ARHGEF1: variants seen among roughly 807,000 people sequenced by gnomAD.
ARHGEF1 encodes 115 kDa guanine nucleotide exchange factor.
In ARHGEF1, 40 loss-of-function variants were observed where a neutral mutation model predicts 119.7. The ratio of observed to expected loss-of-function variants is 0.33; its 90% CI spans 0.26 to 0.44. The LOEUF (loss-of-function observed/expected upper bound fraction) is 0.44, where lower values mean the gene tolerates loss of function less well. Ranked by LOEUF, ARHGEF1 falls within the 20% of genes least tolerant of loss-of-function variation. The pLI is 1.00. For synonymous variants in ARHGEF1, 494 were observed against 521.0 expected (o/e 0.95, Z 0.71); for missense variants, 976 against 1,268.3 (o/e 0.77, Z 3.50).
chr19:41,922,490 A>G (rs2074848121), upstream of ARHGEF1, among the ~76,000 whole-genome samples: 2 of 152,126 alleles, frequency 1.3e-5, no homozygotes, highest in Admixed American at 1.3e-4. Context: ...GAGGCCAAAA[A>G]TGGGGAGAAG....
chr19:41,915,091 C>T (rs1555851830), intron 18 of ARHGEF1, among the ~76,000 whole-genome samples: 1 of 124,844 alleles, frequency 8.0e-6, no homozygotes, highest in Non-Finnish European at 1.7e-5. Context: ...TCCCACCTCC[C>T]GCTCTCTTTG....
At chr19:41,918,905 C>T (rs2074820607), upstream of ARHGEF1, among the ~76,000 whole-genome samples, 1 of 151,314 alleles carries the variant, frequency 6.6e-6, no homozygotes, top group Admixed American at 6.6e-5. Context: ...ACCCATTACA[C>T]ACATACACCA....
chr19:41,897,750 T>C, intron 13 of ARHGEF1: 1 of 497,834 alleles, frequency 2.0e-6, no homozygotes, highest in Non-Finnish European at 3.3e-6. Context: ...TCCTGGTCTC[T>C]CCCCGTCTCT....
chr19:41,926,495 G>A (rs2074871103), intron 1 of ARHGEF1, among the ~76,000 whole-genome samples: 1 of 152,124 alleles, frequency 6.6e-6, no homozygotes, highest in South Asian at 2.1e-4. Flanking sequence ...GTGTGACTCT[G>A]CCAGATGGTC....
Position 41,915,334 on chromosome 19 carries a change from C to G in ARHGEF1, c.1866-7758C>G, listed in dbSNP as rs553842344. ...GCAGTCTCTGTGCCCAGCCTTCGTC[C>G]TGTGTCAGGCCCCACAGGGACCTGG... is the stretch of plus-strand genomic sequence containing the variant. On this transcript the variant is annotated intron_variant, in intron 18 of 20. Transcript: ENST00000599589. Among the ~76,000 whole-genome samples, 14 of 151,698 alleles carry G rather than the reference C, an allele frequency of 9.2e-5. No individual in the cohort carries two copies. In the South Asian group the frequency reaches 2.9e-3, roughly 32 times the overall value.
In ARHGEF1 at chr19:41,892,040, GCC is replaced by G; in HGVS notation, c.242_243del (p.Ala81GlyfsTer40). 1 of 1,609,736 alleles carries G rather than the reference GCC, an allele frequency of 6.2e-7. No homozygotes were observed. The highest frequency in any genetic ancestry group is 8.5e-7 in the Non-Finnish European group (1 of 1,177,064). On this transcript the variant is annotated frameshift_variant, in exon 5 of 29. Coordinates refer to ENST00000354532, the MANE Select transcript of ARHGEF1 (RefSeq NM_004706.4). LOFTEE classifies it high-confidence loss of function. The surrounding 1 kb of genome is among the most constrained non-coding windows in gnomAD (Gnocchi z 6.3). ...EPGPLLCCLH[A>X]DMLGSLGPKE... is the part of the protein sequence containing the mutation. The stretch of plus-strand genomic sequence containing the variant: ...TCTCCCCCAGCTTTGCTGTCTGCAT[GCC>G]GACATGCTGGGCTCACTGGGCCCCA...
rs41307029 is a variant in ARHGEF1, at chr19:41,888,133, C to T, written c.24+27C>T. On this transcript the variant is annotated intron_variant, in intron 2 of 28. Transcript: ENST00000354532. This position sits in a 1 kb window ranked among gnomAD's most constrained non-coding sequence, Gnocchi z 5.1. ...TGAGTGGACAGAGCAAGGGGTGAGG[C>T]GACTCTGGGGCTGTGGGTGGAGAGT... The T allele has an allele frequency of 3.2e-5, 52 of 1,613,962 alleles. No individual in the cohort carries two copies. In the Middle Eastern group the frequency reaches 5.0e-4, roughly 15 times the overall value.
intron 18 of ARHGEF1, among the ~76,000 whole-genome samples, chr19:41,913,407 T>C (rs1468637329): frequency 6.6e-6 from 1 of 151,856 alleles, no homozygotes; most frequent in African/African-American, 2.4e-5. Flanking sequence ...CCCAGATTTA[T>C]CTTGTTCTAT....
chr19:41,912,725 C>T (rs2074760696), intron 18 of ARHGEF1: 4 of 406,022 alleles, frequency 9.9e-6, no homozygotes, highest in African/African-American at 4.1e-5. Flanking sequence ...GGGGGACTGA[C>T]CAAGACTGAG....
chr19:41,907,585 T>C (rs566122439), downstream of ARHGEF1: 2 of 631,002 alleles, frequency 3.2e-6, no homozygotes, highest in South Asian at 4.2e-5. Flanking sequence ...CATTCATTTC[T>C]TTGTTTGAAC....
intron 12 of ARHGEF1, 37 bp from the exon 13 acceptor site, chr19:41,896,333 GCCGCAGA>G: frequency 3.4e-6 from 4 of 1,166,906 alleles, no homozygotes; most frequent in South Asian, 4.7e-5. Flanking sequence ...GGGTCTCGTG[GCCGCAGA>G]GGCCTTCCAG....
At chr19:41,928,946 C>T (rs2145917759) in exon 2 of ARHGEF1, 1 of 456,028 alleles carries the variant, frequency 2.2e-6, no homozygotes, top group East Asian at 7.0e-5. Flanking sequence ...ACACACGCAG[C>T]CTGGATAGGA....
At chr19:41,909,319 A>C, downstream of ARHGEF1, 1 of 1,235,000 alleles carries the variant, frequency 8.1e-7, no homozygotes, top group South Asian at 4.1e-5. This position sits in a 1 kb window ranked among gnomAD's most constrained non-coding sequence, Gnocchi z 5.2. Context: ...GGCCCCCCCA[A>C]AGGGACTGGG....
Position 41,892,882 on chromosome 19 carries a change from C to T in ARHGEF1, c.614+33C>T, listed in dbSNP as rs371762884. On this transcript the variant is annotated intron_variant, in intron 7 of 28. Coordinates refer to ENST00000354532, the MANE Select transcript of ARHGEF1 (RefSeq NM_004706.4). The surrounding 1 kb of genome is among the most constrained non-coding windows in gnomAD (Gnocchi z 6.3). ...GGCCAGCCCTGGTGGGAGCGTCGCC[C>T]CTCCCCAGCACAAGGGCACCCGTGC... 60 of 1,463,064 alleles carry T rather than the reference C, an allele frequency of 4.1e-5. No individual in the cohort carries two copies. The African/African-American group carries it at 6.9e-4, about 17-fold the overall frequency. 90.6% of individuals were successfully genotyped at this position (1,463,064 alleles called of 1,614,324 possible).
rs1275879762 is a variant in ARHGEF1 at position 41,905,619 on chromosome 19, T to G, written c.2337-141T>G. 11 of 831,210 alleles carry G rather than the reference T, an allele frequency of 1.3e-5. No homozygotes were observed. The highest frequency in any genetic ancestry group is 2.6e-5 in the Admixed American group (1 of 38,990). The allele number at this position is 831,210 out of a possible 1,614,324, so 51.5% of individuals were successfully genotyped here. On this transcript the variant is annotated intron_variant, in intron 24 of 28. Transcript: ENST00000354532. This position sits in a 1 kb window ranked among gnomAD's most constrained non-coding sequence, Gnocchi z 6.4. The stretch of plus-strand genomic sequence containing the variant: ...CTGTGTCTTCCATTGTCTGGGCCTC[T>G]CTGTCTCCCTGTCTCCCGGCCTCGA...
chr19:41,911,779 C>T (rs2074753247), downstream of ARHGEF1, among the ~76,000 whole-genome samples: 1 of 152,188 alleles, frequency 6.6e-6, no homozygotes, highest in Non-Finnish European at 1.5e-5. Flanking sequence ...CAACCCGATA[C>T]TCCATCTGTC....
chr19:41,905,793 C>A lies in ARHGEF1; in HGVS notation c.2370C>A (p.Asn790Lys). The A allele has an allele frequency of 6.2e-7, 1 of 1,614,108 alleles. No individual in the cohort carries two copies. The highest frequency in any genetic ancestry group is 8.5e-7 in the Non-Finnish European group (1 of 1,180,002). The stretch of plus-strand genomic sequence containing the variant: ...AACCCCTCCTCAGCAGCTCTGAGAA[C>A]GGCAATGGTGGCCGAGAGACGTCTC... ...TREPLLSSSE[N>K]GNGGRETSPA... Residue 790 changes from asparagine (N) to lysine (K), a missense_variant, in exon 25 of 29, where the codon AAC becomes AAA. Around this residue, in one of 3 missense-constraint regions of ARHGEF1, gnomAD observed 171 missense variants for 180.6 expected, o/e 0.95. Transcript: ENST00000354532. This position sits in a 1 kb window ranked among gnomAD's most constrained non-coding sequence, Gnocchi z 6.4.
At chr19:41,912,925 A>T (rs2074762381) in intron 18 of ARHGEF1, 2 of 1,230,374 alleles carry the variant, frequency 1.6e-6, no homozygotes, top group Non-Finnish European at 2.0e-6. Flanking sequence ...TCCATGGCGG[A>T]GCCGGCCCTG....
intron 1 of ARHGEF1, among the ~76,000 whole-genome samples, chr19:41,924,536 C>T (rs1244315684): frequency 4.6e-5 from 7 of 151,946 alleles, no homozygotes; most frequent in African/African-American, 9.7e-5. Context: ...TCCTCATTCT[C>T]GTTGTCGCCA....
Sources: allele counts gnomAD v4.1 joint callset (sites outside exome capture counted in the v4.1 genomes callset), GRCh38; gene constraint gnomAD v4.1.1; regional missense constraint gnomAD v4.1.1; non-coding constraint Gnocchi (gnomAD v3.1); transcripts MANE v1.5; gene names NCBI Gene and HGNC (gene_info 2026-07-23, HGNC 2026-07-21).